The following NIN variants were observed in gnomAD, a reference collection of about 807,000 sequenced individuals.
NIN encodes glycogen synthase kinase 3 beta-interacting protein.
In NIN, 137 loss-of-function variants were observed where a neutral mutation model predicts 257.6. The ratio of observed to expected loss-of-function variants is 0.53; its 90% CI spans 0.46 to 0.61. The LOEUF (loss-of-function observed/expected upper bound fraction) is 0.61, where lower values mean the gene tolerates loss of function less well. NIN is among the 20% of genes least tolerant of loss of function. The probability of loss-of-function intolerance (pLI) is 0.00; values close to 1 mark genes in which losing one functional copy is unlikely to be tolerated. For missense variants in NIN, 2,439 were observed against 2,501.2 expected (o/e 0.98, Z 0.53); for synonymous variants, 918 against 919.8 (o/e 1.00, Z 0.04).
At chr14:50,747,227 T>C (rs961374532) in intron 22 of NIN, among the ~76,000 whole-genome samples, 4 of 152,210 alleles carry the variant, frequency 2.6e-5, no homozygotes, top group Admixed American at 1.3e-4. Flanking sequence ...CATGCCATCA[T>C]GCTCTAGAAC....
intron 2 of NIN, among the ~76,000 whole-genome samples, chr14:50,823,971 C>T (rs568729182): frequency 1.3e-5 from 2 of 152,260 alleles, no homozygotes; most frequent in South Asian, 2.1e-4. Flanking sequence ...TAGAGTCCAC[C>T]AGTTAATTGT....
chr14:50,755,399 A>C (rs1489221221), intron 18 of NIN, among the ~76,000 whole-genome samples: 1 of 152,154 alleles, frequency 6.6e-6, no homozygotes, highest in Non-Finnish European at 1.5e-5. Context: ...TCTGAAGAAG[A>C]GGAAAAACTA....
At position 50,723,544 on chromosome 14, in the gene NIN, C is replaced by A; in HGVS notation, c.6321G>T (p.Glu2107Asp). 6.2e-7 allele frequency: 1 copy of A among 1,613,880 alleles called. No individual in the cohort carries two copies. Among genetic ancestry groups the A allele is most frequent in the South Asian group, 1.1e-5 (1 of 91,072 alleles). The change falls in exon 31 of 31, where the codon GAG becomes GAT. Residue 2107 changes from glutamate to aspartate, a missense_variant. Physicochemically the swap from Glu to Asp is conservative, Grantham distance 45. This residue lies in a region of NIN where 2,043 missense variants were observed against 2,050.2 expected (regional missense o/e 1.00). Coordinates refer to ENST00000530997, the MANE Select transcript of NIN (RefSeq NM_020921.4). ...KTAEKKNYLL[E>D]EKIASLSNIV... ...TATTACTGAGGCTGGCAATCTTCTC[C>A]TCCAGGAGGTAATTTTTCTTCTCTG...
intron 5 of NIN, among the ~76,000 whole-genome samples, chr14:50,783,392 G>A (rs1375531110): frequency 1.3e-5 from 2 of 152,120 alleles, no homozygotes; most frequent in East Asian, 3.9e-4. Context: ...GGGAGTAGCA[G>A]TATCCCAAGA....
At chr14:50,734,713 A>G (rs1304931470) in intron 28 of NIN, among the ~76,000 whole-genome samples, 1 of 151,994 alleles carries the variant, frequency 6.6e-6, no homozygotes, top group East Asian at 1.9e-4. Context: ...AGGGTCTCTC[A>G]CTGTCTCCCA....
chr14:50,741,967 C>T (rs543918909), intron 24 of NIN: 2 of 429,706 alleles, frequency 4.7e-6, no homozygotes, highest in African/African-American at 3.9e-5. Context: ...TGATAGTCAT[C>T]TGGTAGATTA....
Position 50,719,820 on chromosome 14 carries a change from G to GTTTGCAAAATTATTTA in NIN, c.*3627_*3642dup. 1 of 194,446 alleles carries GTTTGCAAAATTATTTA rather than the reference G, an allele frequency of 5.1e-6. No homozygotes were observed. Among genetic ancestry groups the GTTTGCAAAATTATTTA allele is most frequent in the East Asian group, 8.2e-5 (1 of 12,268 alleles). 12.0% of individuals were successfully genotyped at this position (194,446 alleles called of 1,614,324 possible). ...AGGGTATATAGAAAACAAAAGGCAT[G>GTTTGCAAAATTATTTA]TTTGCAAAATTATTTATTTACATCT... On this transcript the variant is annotated 3_prime_UTR_variant, in exon 31 of 31. Coordinates refer to ENST00000530997, the MANE Select transcript of NIN (RefSeq NM_020921.4).
At chr14:50,759,317 T>A (rs930485985) in intron 17 of NIN, among the ~76,000 whole-genome samples, 1 of 152,220 alleles carries the variant, frequency 6.6e-6, no homozygotes, top group African/African-American at 2.4e-5. Context: ...GAATAAATCT[T>A]AATACGAGGA....
chr14:50,731,544 AAAAAAATT>A (rs1372270099), intron 28 of NIN, among the ~76,000 whole-genome samples: 10 of 151,572 alleles, frequency 6.6e-5, no homozygotes, highest in African/African-American at 2.4e-4. Context: ...AAAAAAAAAA[AAAAAAATT>A]AGGTCGCGTA....
Position 50,823,158 on chromosome 14 carries a change from T to G in NIN, c.-21-1081A>C, listed in dbSNP as rs770781594. 147 of 524,932 alleles carry G rather than the reference T, an allele frequency of 2.8e-4. 1 individual carries two copies. The highest frequency in any genetic ancestry group is 2.6e-3 in the Admixed American group (110 of 43,036). 32.5% of individuals were successfully genotyped at this position (524,932 alleles called of 1,614,324 possible). On this transcript the variant is annotated intron_variant, in intron 2 of 30. Coordinates refer to ENST00000530997, the MANE Select transcript of NIN (RefSeq NM_020921.4). ...GTATTTTACTAATGAAATCTGTGGT[T>G]TTTTTTTTTTCCTTGCATGACAGTT...
chr14:50,771,289 G>A, intron 10 of NIN, 43 bp downstream of exon 10: 1 of 1,604,768 alleles, frequency 6.2e-7, no homozygotes, highest in Non-Finnish European at 8.5e-7. Context: ...TGCTGGACAA[G>A]TAGGAAAGGG....
chr14:50,771,446 C>T lies in NIN; in HGVS notation c.1004G>A (p.Gly335Glu). 6.2e-7 allele frequency: 1 copy of T among 1,614,088 alleles called. No individual in the cohort carries two copies. The highest frequency in any genetic ancestry group is 8.5e-7 in the Non-Finnish European group (1 of 1,179,974). The change falls in exon 10 of 31, where the codon GGA (glycine) becomes GAA (glutamate). Residue 335 changes from glycine to glutamate, a missense_variant. Around this residue, in one of 3 missense-constraint regions of NIN, gnomAD observed 387 missense variants for 427.3 expected, o/e 0.91. Transcript: ENST00000530997. ...TGTTAATTCTGTCAAATTGATGTTT[C>T]CATCGAGGCTGAAATCCAAGGCCTA... ...ILKALDFSLD[G>E]NINLTELTLA...
At chr14:50,725,532 AT>A (rs1052973421) in intron 30 of NIN, among the ~76,000 whole-genome samples, 1 of 151,858 alleles carries the variant, frequency 6.6e-6, no homozygotes, top group Non-Finnish European at 1.5e-5. Flanking sequence ...TTATCCCCCT[AT>A]TTTTTTAACC....
intron 4 of NIN, among the ~76,000 whole-genome samples, chr14:50,805,647 G>A (rs553580912): frequency 4.6e-5 from 7 of 152,310 alleles, no homozygotes; most frequent in African/African-American, 1.4e-4. Context: ...CACAGTGAAT[G>A]ACTCCTTGTA....
chr14:50,782,455 A>AG (rs1411103924), intron 5 of NIN, among the ~76,000 whole-genome samples: 3 of 152,238 alleles, frequency 2.0e-5, no homozygotes, highest in Admixed American at 2.0e-4. Flanking sequence ...AAAACCATGT[A>AG]GGAACGTGGA....
Position 50,744,247 on chromosome 14 carries a change from T to G in NIN, c.5183A>C (p.Asp1728Ala). The G allele has an allele frequency of 6.2e-7, 1 of 1,613,800 alleles. No individual in the cohort carries two copies. Among genetic ancestry groups the G allele is most frequent in the Non-Finnish European group, 8.5e-7 (1 of 1,179,758 alleles). The change falls in exon 23 of 31, where the codon GAT (aspartate) becomes GCT (alanine). Residue 1728 changes from aspartate (D) to alanine (A), a missense_variant. Around this residue, in one of 3 missense-constraint regions of NIN, gnomAD observed 2,043 missense variants for 2,050.2 expected, o/e 1.00. Coordinates refer to ENST00000530997, the MANE Select transcript of NIN (RefSeq NM_020921.4). ...AAGTCTTATTACTTCTACTACCTTA[T>G]CGACACAGCTATTTAATTCCTCACT... is the stretch of plus-strand genomic sequence containing the variant. Reference protein sequence around the residue: ...ALSEELNSCVDKLAKSSLLEH... With the variant: ...ALSEELNSCVAKLAKSSLLEH...
intron 5 of NIN, 43 bp from the exon 6 acceptor site, chr14:50,778,847 C>A: frequency 1.9e-6 from 3 of 1,598,426 alleles, no homozygotes; most frequent in Non-Finnish European, 2.6e-6. Flanking sequence ...AGAACTTATT[C>A]AGAAAGAACT....
chr14:50,743,987 T>C (rs770426479), intron 23 of NIN, among the ~76,000 whole-genome samples: 4 of 152,240 alleles, frequency 2.6e-5, no homozygotes, highest in Non-Finnish European at 5.9e-5. Context: ...AATAGCGGTA[T>C]AAAGTAGCAC....
chr14:50,796,570 C>T lies in NIN; in HGVS notation c.266-3689G>A, dbSNP rs561549380. Among the ~76,000 whole-genome samples, 51 of 152,298 alleles carry T rather than the reference C, an allele frequency of 3.3e-4. No individual in the cohort carries two copies. In the South Asian group the frequency reaches 9.7e-3, roughly 29 times the overall value. On this transcript the variant is annotated intron_variant, in intron 4 of 30. Transcript: ENST00000530997. ...CCCAAGAAGAGAAACTCCAGAGCTTCGATAATGTTCCCCTTCCAAATCAGG... is the reference window on the plus strand; with the variant it reads ...CCCAAGAAGAGAAACTCCAGAGCTTTGATAATGTTCCCCTTCCAAATCAGG...
Sources: gnomAD v4.1 joint callset for allele counts (sites outside exome capture counted in the v4.1 genomes callset) on GRCh38, gnomAD v4.1.1 for gene constraint, gnomAD v4.1.1 regional missense constraint, MANE v1.5 for transcripts, NCBI Gene and HGNC (gene_info 2026-07-23, HGNC 2026-07-21) for gene names.